SLC6A2: variants seen among roughly 807,000 people sequenced by gnomAD.
SLC6A2 encodes the protein sodium-dependent noradrenaline transporter.
A neutral mutation model predicts 71.7 loss-of-function variants in SLC6A2; 26 were observed. The ratio of observed to expected loss-of-function variants is 0.36; its 90% CI spans 0.27 to 0.50. The LOEUF (loss-of-function observed/expected upper bound fraction) is 0.50, where lower values mean the gene tolerates loss of function less well. Ranked by LOEUF, SLC6A2 falls within the 20% of genes least tolerant of loss-of-function variation. The pLI is 0.96. For missense variants in SLC6A2, 581 were observed against 803.9 expected (o/e 0.72, Z 3.35); for synonymous variants, 363 against 337.9 (o/e 1.07, Z -0.82).
intron 4 of SLC6A2, among the ~76,000 whole-genome samples, chr16:55,682,625 C>T (rs1045344681): frequency 1.1e-4 from 17 of 152,190 alleles, no homozygotes; most frequent in African/African-American, 3.9e-4. Context: ...CCCTTGTATA[C>T]AGTTAGCCCT....
rs757965359 is a variant in SLC6A2, at chr16:55,672,044, G to T, written c.513G>T (p.Leu171=). The stretch of plus-strand genomic sequence containing the variant: ...TCTTCTCCTCCTTCACCCTCAACCT[G>T]CCCTGGACCGACTGTGGCCACACCT... ...YYLFSSFTLN[L]PWTDCGHTWN... is the part of the protein sequence containing the mutation. The change falls in exon 4 of 15, where the codon CTG becomes CTT. Residue 171 remains leucine (L), a synonymous_variant. Transcript: ENST00000568943. 3 of 1,614,100 alleles carry T rather than the reference G, an allele frequency of 1.9e-6. No individual in the cohort carries two copies. The highest frequency in any genetic ancestry group is 2.5e-6 in the Non-Finnish European group (3 of 1,180,028).
At chr16:55,699,451 G>T (rs1965901764) in intron 11 of SLC6A2, 103 bp from the exon 12 acceptor site, 1 of 855,324 alleles carries the variant, frequency 1.2e-6, no homozygotes, top group Non-Finnish European at 2.0e-6. Context: ...TCAGCATCTT[G>T]CCTCACTGCC....
chr16:55,701,969 C>T (rs1318327897), intron 14 of SLC6A2, 35 bp downstream of exon 14: 1 of 1,518,842 alleles, frequency 6.6e-7, no homozygotes, highest in Non-Finnish European at 9.1e-7. Context: ...GTGGAGATTA[C>T]AAGGGCGGGC....
chr16:55,702,765 A>AAAAC lies in SLC6A2; in HGVS notation c.*421_*422insACAA. On this transcript the variant is annotated 3_prime_UTR_variant, in exon 15 of 15. Transcript: ENST00000568943. Reference sequence around the variant, plus strand: ...CCCCTCCCAAAAAAAAAAAAAACTAAAACTAAAGCAAAAATCAAACAAAAT... The same window carrying AAAAC: ...CCCCTCCCAAAAAAAAAAAAAACTAAAAACAACTAAAGCAAAAATCAAACAAAAT... The AAAAC allele has an allele frequency of 9.5e-7, 1 of 1,054,974 alleles. No individual in the cohort carries two copies. Among genetic ancestry groups the AAAAC allele is most frequent in the Non-Finnish European group, 1.1e-6 (1 of 873,394 alleles). 65.4% of individuals were successfully genotyped at this position (1,054,974 alleles called of 1,614,324 possible).
intron 4 of SLC6A2, 135 bp downstream of exon 4, chr16:55,672,310 C>T (rs1487521007): frequency 1.8e-5 from 27 of 1,484,658 alleles, no homozygotes; most frequent in Non-Finnish European, 2.4e-5. Flanking sequence ...AGCCACTGGC[C>T]TGATGCTGGG....
At chr16:55,676,298 C>T (rs1965084900) in intron 4 of SLC6A2, among the ~76,000 whole-genome samples, 1 of 152,166 alleles carries the variant, frequency 6.6e-6, no homozygotes, top group African/African-American at 2.4e-5. Context: ...AACCTCTTAC[C>T]ATGTGTATGA....
chr16:55,656,635 T>A lies in SLC6A2; in HGVS notation c.-51-9T>A, dbSNP rs145861645. The A allele has an allele frequency of 1.2e-6, 2 of 1,605,842 alleles. No individual in the cohort carries two copies. Among genetic ancestry groups the A allele is most frequent in the East Asian group, 4.5e-5 (2 of 44,778 alleles). On this transcript the variant is annotated splice_polypyrimidine_tract_variant and intron_variant, in intron 1 of 14. Coordinates refer to ENST00000568943, the MANE Select transcript of SLC6A2 (RefSeq NM_001172501.3). The surrounding 1 kb of genome is among the most constrained non-coding windows in gnomAD (Gnocchi z 4.5). The stretch of plus-strand genomic sequence containing the variant: ...CGGGTAACCACCTCTTTTCCCTTTA[T>A]CCAAGCAGAGCCTCGGCGTGCCCCC...
chr16:55,684,979 A>G lies in SLC6A2; in HGVS notation c.645-164A>G, dbSNP rs1345428. Among the ~76,000 whole-genome samples, 141 of 152,334 alleles carry G rather than the reference A, an allele frequency of 9.3e-4. 1 individual carries two copies. The East Asian group carries it at 0.025, about 27-fold the overall frequency. The stretch of plus-strand genomic sequence containing the variant: ...GGCACAGGCCATGGCTGATCAGGTC[A>G]GGCCCATGTGGTGCATGGCAGTGGC... On this transcript the variant is annotated intron_variant, in intron 4 of 14. Coordinates refer to ENST00000568943, the MANE Select transcript of SLC6A2 (RefSeq NM_001172501.3).
chr16:55,657,692 A>T (rs1964497279), intron 2 of SLC6A2, among the ~76,000 whole-genome samples: 1 of 152,166 alleles, frequency 6.6e-6, no homozygotes, highest in African/African-American at 2.4e-5. Context: ...GCCGCATTGC[A>T]GGGAGGAGTG....
chr16:55,688,068 A>C (rs1254503163), intron 5 of SLC6A2, among the ~76,000 whole-genome samples: 1 of 152,258 alleles, frequency 6.6e-6, no homozygotes, highest in Non-Finnish European at 1.5e-5. Context: ...TGCCACAGGC[A>C]GTCCATGGAG....
intron 4 of SLC6A2, among the ~76,000 whole-genome samples, chr16:55,680,765 G>C (rs531550416): frequency 1.3e-5 from 2 of 152,258 alleles, no homozygotes; most frequent in East Asian, 3.9e-4. Flanking sequence ...TGTGGACAGT[G>C]GGGGTGGGGG....
At chr16:55,668,750 G>A (rs1964821400) in intron 2 of SLC6A2, among the ~76,000 whole-genome samples, 1 of 152,166 alleles carries the variant, frequency 6.6e-6, no homozygotes, top group African/African-American at 2.4e-5. Context: ...TTGCTGCCTG[G>A]TGCCCAGGGA....
intron 2 of SLC6A2, 152 bp from the exon 3 acceptor site, chr16:55,669,413 T>C (rs1483884041): frequency 2.8e-6 from 2 of 717,646 alleles, no homozygotes; most frequent in African/African-American, 1.7e-5. Context: ...ATATTCTTAC[T>C]CTTATGATAA....
At chr16:55,672,198 T>C (rs1294433053) in intron 4 of SLC6A2, 23 bp downstream of exon 4, 2 of 1,614,188 alleles carry the variant, frequency 1.2e-6, no homozygotes, top group East Asian at 2.2e-5. Flanking sequence ...CCCCTTGTGC[T>C]GGGCCTGTTG....
intron 6 of SLC6A2, among the ~76,000 whole-genome samples, chr16:55,693,122 C>T (rs1276989528): frequency 6.6e-6 from 1 of 152,212 alleles, no homozygotes; most frequent in Non-Finnish European, 1.5e-5. Flanking sequence ...CGCGGTGGCT[C>T]ACGCCTGTAA....
chr16:55,658,057 G>A (rs1254066888), intron 2 of SLC6A2, among the ~76,000 whole-genome samples: 1 of 152,190 alleles, frequency 6.6e-6, no homozygotes, highest in Non-Finnish European at 1.5e-5. Context: ...GGCGGTAGCT[G>A]TGACTCTGGA....
chr16:55,697,357 A>G (rs1299091235), intron 9 of SLC6A2, among the ~76,000 whole-genome samples: 1 of 152,182 alleles, frequency 6.6e-6, no homozygotes, highest in Non-Finnish European at 1.5e-5. Context: ...TGTCCTCATA[A>G]GGAAGCAATC....
intron 4 of SLC6A2, among the ~76,000 whole-genome samples, chr16:55,683,859 C>A (rs1216433405): frequency 1.3e-5 from 2 of 152,122 alleles, no homozygotes; most frequent in African/African-American, 2.4e-5. Context: ...GGGTACACCT[C>A]TCCTGACTTC....
At chr16:55,691,576 T>C (rs1474124540) in intron 5 of SLC6A2, among the ~76,000 whole-genome samples, 1 of 152,198 alleles carries the variant, frequency 6.6e-6, no homozygotes, top group Non-Finnish European at 1.5e-5. Context: ...GAGTCTTTCC[T>C]TGAAGGAGTC....
Sources: gnomAD v4.1 joint callset for allele counts (sites outside exome capture counted in the v4.1 genomes callset) on GRCh38, gnomAD v4.1.1 for gene constraint, Gnocchi (gnomAD v3.1) non-coding constraint, MANE v1.5 for transcripts, NCBI Gene and HGNC (gene_info 2026-07-23, HGNC 2026-07-21) for gene names.